The following ING5 variants were observed in gnomAD, a reference collection of about 807,000 sequenced individuals.
ING5 encodes inhibitor of growth protein 5.
In ING5, 17 loss-of-function variants were observed where a neutral mutation model predicts 37.4. That is an observed-to-expected ratio of 0.45 (90% CI 0.31 to 0.68). The LOEUF is 0.68. Ranked by LOEUF, ING5 falls within the 30% of genes least tolerant of loss-of-function variation. The pLI, the probability that ING5 is intolerant of heterozygous loss-of-function variation, is 0.05. For missense variants in ING5, 233 were observed against 311.9 expected, an observed-to-expected ratio of 0.75 and a Z score of 1.91; for synonymous variants, 123 against 116.6, an observed-to-expected ratio of 1.06 and a Z score of -0.36.
intron 7 of ING5, chr2:241,723,864 G>C (rs1238282225): frequency 1.3e-6 from 2 of 1,514,744 alleles, no homozygotes; most frequent in East Asian, 2.2e-5. Context: ...ACAAAAATTA[G>C]CTGGGCGTGG....
upstream of ING5, among the ~76,000 whole-genome samples, chr2:241,699,828 C>T (rs2069686135): frequency 6.6e-6 from 1 of 152,040 alleles, no homozygotes; most frequent in Admixed American, 6.6e-5. Flanking sequence ...CATGAAAGAC[C>T]TGCCAGAGAT....
rs543844706 is a variant in ING5 at position 241,710,965 on chromosome 2, T to A, written c.277-412T>A. The stretch of plus-strand genomic sequence containing the variant: ...GATTTTACCATGTTGGTCAGGCTGG[T>A]TTTGAACTCCTGACCTCAGGTGATC... On this transcript the variant is annotated intron_variant, in intron 3 of 7. Transcript: ENST00000313552. Among the ~76,000 whole-genome samples, 20 of 152,198 alleles carry A rather than the reference T, an allele frequency of 1.3e-4. No homozygotes were observed. The East Asian group carries it at 3.5e-3, about 26-fold the overall frequency.
intron 3 of ING5, among the ~76,000 whole-genome samples, chr2:241,709,617 G>T (rs1339625519): frequency 6.9e-6 from 1 of 144,510 alleles, no homozygotes; most frequent in South Asian, 2.2e-4. Flanking sequence ...GAACCATTTG[G>T]GTTTTTTTTG....
At chr2:241,707,385 G>C (rs1256079365) in intron 2 of ING5, among the ~76,000 whole-genome samples, 6 of 151,688 alleles carry the variant, frequency 4.0e-5, no homozygotes, top group East Asian at 1.9e-4. Context: ...CCGCCTCCCG[G>C]GTTCAAGCAA....
In ING5 at chr2:241,709,393, G is replaced by A; in HGVS notation, c.276+11G>A. 1.2e-6 allele frequency: 2 copies of A among 1,608,292 alleles called. No homozygotes were observed. Among genetic ancestry groups the A allele is most frequent in the Non-Finnish European group, 1.7e-6 (2 of 1,176,706 alleles). ...CAGACCTACGAGATGGTGAGGGCGGGGCGGGGGCCATGGCTCTTCCTCTGA... is the reference window on the plus strand; with the variant it reads ...CAGACCTACGAGATGGTGAGGGCGGAGCGGGGGCCATGGCTCTTCCTCTGA... On this transcript the variant is annotated intron_variant, in intron 3 of 7. Coordinates refer to ENST00000313552, the MANE Select transcript of ING5 (RefSeq NM_032329.6).
exon 2 of ING5, chr2:241,690,533 G>A (rs755032542): frequency 1.0e-5 from 4 of 398,016 alleles, no homozygotes; most frequent in Non-Finnish European, 1.8e-5. Flanking sequence ...GAGGGTCTGC[G>A]TGGCTGAGCA....
At chr2:241,716,441 C>T (rs770920097) in intron 5 of ING5, among the ~76,000 whole-genome samples, 10 of 145,800 alleles carry the variant, frequency 6.9e-5, no homozygotes, top group East Asian at 5.2e-4. Context: ...TATAGGTGTG[C>T]GCCACCACAC....
Position 241,723,066 on chromosome 2 carries a change from A to G in ING5, c.610A>G (p.Asn204Asp). 2 of 1,614,226 alleles carry G rather than the reference A, an allele frequency of 1.2e-6. No individual in the cohort carries two copies. Among genetic ancestry groups the G allele is most frequent in the Non-Finnish European group, 1.7e-6 (2 of 1,180,042 alleles). ...CTATGGGGAGATGATTGGCTGTGACAATCCAGACGTGAGTGTCGCCTGCAG... is the reference window on the plus strand; with the variant it reads ...CTATGGGGAGATGATTGGCTGTGACGATCCAGACGTGAGTGTCGCCTGCAG... The part of the protein sequence containing the change: ...VSYGEMIGCD[N>D]PDCPIEWFHF... Residue 204 changes from asparagine to aspartate, a missense_variant, in exon 6 of 8, where the codon AAT becomes GAT. By Grantham distance (23) the Asn-to-Asp change is conservative. Coordinates refer to ENST00000313552, the MANE Select transcript of ING5 (RefSeq NM_032329.6).
chr2:241,707,979 C>T (rs2069975631), intron 2 of ING5, among the ~76,000 whole-genome samples: 1 of 152,172 alleles, frequency 6.6e-6, no homozygotes, highest in African/African-American at 2.4e-5. Flanking sequence ...CTCACTGCAA[C>T]CTCTGCCTCC....
chr2:241,719,508 G>C (rs962198202), intron 5 of ING5: 4 of 1,524,270 alleles, frequency 2.6e-6, no homozygotes, highest in Non-Finnish European at 3.5e-6. Flanking sequence ...GAGTCTTCCT[G>C]CTCCTTCCTG....
intron 3 of ING5, among the ~76,000 whole-genome samples, 177 bp downstream of exon 3, chr2:241,709,559 T>TG (rs961235401): frequency 1.3e-5 from 2 of 148,356 alleles, no homozygotes; most frequent in African/African-American, 5.0e-5. Flanking sequence ...ATCCCTGTTT[T>TG]TTTTTTTTTT....
At chr2:241,723,990 A>G in intron 7 of ING5, 2 of 1,330,388 alleles carry the variant, frequency 1.5e-6, no homozygotes, top group Non-Finnish European at 2.0e-6. Flanking sequence ...AGCCTGGGCG[A>G]GAGAGCAAGA....
chr2:241,690,929 C>T (rs1391976861), intron 2 of ING5, among the ~76,000 whole-genome samples: 1 of 151,642 alleles, frequency 6.6e-6, no homozygotes, highest in Non-Finnish European at 1.5e-5. Context: ...GCCTCAGCCT[C>T]CCAAGTAGCT....
At chr2:241,704,281 C>CTT (rs2069833654) in intron 1 of ING5, among the ~76,000 whole-genome samples, 1 of 152,260 alleles carries the variant, frequency 6.6e-6, no homozygotes, top group Admixed American at 6.5e-5. Flanking sequence ...AAGTATAAAA[C>CTT]TTTTGGCCAG....
intron 2 of ING5, among the ~76,000 whole-genome samples, chr2:241,708,045 G>A (rs1184707519): frequency 1.3e-5 from 2 of 150,782 alleles, no homozygotes; most frequent in African/African-American, 2.4e-5. Context: ...CCATAGGCAC[G>A]TAACACCATG....
Position 241,720,940 on chromosome 2 carries a change from CT to C in ING5, c.483-1997del, listed in dbSNP as rs1447663706. Reference sequence around the variant, plus strand: ...CGGTGGCCTCAGCTTCTGGGGTGCCCTTGCTGGGCGGTCCCCTCAGGCCCCC... The same window carrying C: ...CGGTGGCCTCAGCTTCTGGGGTGCCCTGCTGGGCGGTCCCCTCAGGCCCCC... On this transcript the variant is annotated intron_variant, in intron 5 of 7. Transcript: ENST00000313552. The C allele has an allele frequency of 1.8e-5, 18 of 985,546 alleles. No homozygotes were observed. The Admixed American group carries it at 1.1e-3, about 61-fold the overall frequency. 61.1% of individuals were successfully genotyped at this position (985,546 alleles called of 1,614,324 possible).
At chr2:241,723,362 C>T in intron 7 of ING5, 91 bp downstream of exon 7, 3 of 1,378,414 alleles carry the variant, frequency 2.2e-6, no homozygotes, top group Non-Finnish European at 2.1e-6. Flanking sequence ...ATGGCAGAAT[C>T]TTGCCGGGCT....
Position 241,708,578 on chromosome 2 carries a change from A to C in ING5, c.110-638A>C, listed in dbSNP as rs2069998600. 2.0e-5 allele frequency among the ~76,000 whole-genome samples: 3 copies of C among 152,094 alleles called. 1 individual carries two copies. The South Asian group carries it at 6.2e-4, about 32-fold the overall frequency. On this transcript the variant is annotated intron_variant, in intron 2 of 7. Coordinates refer to ENST00000313552, the MANE Select transcript of ING5 (RefSeq NM_032329.6). ...TTCTGCTCTTCATATTAATGGAATC[A>C]TCCAGTATGTTTTCTTTTGTTTCTT...
rs957044558 is a variant in ING5, at chr2:241,704,333, C to T, written c.38-320C>T. On this transcript the variant is annotated intron_variant, in intron 1 of 7. Coordinates refer to ENST00000313552, the MANE Select transcript of ING5 (RefSeq NM_032329.6). The stretch of plus-strand genomic sequence containing the variant: ...CTGTAATCCCAGCACTTTGAGAGGC[C>T]GAGGTGGGCGGATCACCTGAGGTCA... Among the ~76,000 whole-genome samples the T allele has an allele frequency of 3.3e-5, 5 of 152,062 alleles. No homozygotes were observed. The East Asian group carries it at 5.8e-4, about 18-fold the overall frequency.
Sources: allele counts gnomAD v4.1 joint callset (sites outside exome capture counted in the v4.1 genomes callset), GRCh38; gene constraint gnomAD v4.1.1; transcripts MANE v1.5; gene names NCBI Gene and HGNC (gene_info 2026-07-23, HGNC 2026-07-21).